Variants in ARHGAP28 observed in about 807,000 individuals in gnomAD.
The protein encoded by ARHGAP28 is rho GTPase-activating protein 28.
Under a neutral mutation model 90.7 loss-of-function variants are expected in ARHGAP28, and 56 were observed. That is an observed-to-expected ratio of 0.62 (90% CI 0.50 to 0.77). The LOEUF (loss-of-function observed/expected upper bound fraction) is 0.77. Ranked by LOEUF, ARHGAP28 falls within the 30% of genes least tolerant of loss-of-function variation. The pLI, the probability that ARHGAP28 is intolerant of heterozygous loss-of-function variation, is 0.00. For missense variants in ARHGAP28, 869 were observed against 900.9 expected (o/e 0.96, Z 0.45); for synonymous variants, 308 against 323.3 (o/e 0.95, Z 0.51).
chr18:6,896,134 G>T (rs1159266650), intron 15 of ARHGAP28, among the ~76,000 whole-genome samples: 1 of 152,208 alleles, frequency 6.6e-6, no homozygotes, highest in East Asian at 1.9e-4. Flanking sequence ...TTTTCAAAAG[G>T]TTGGTCTTCT....
intron 1 of ARHGAP28, among the ~76,000 whole-genome samples, chr18:6,822,630 C>T (rs934454761): frequency 1.3e-5 from 2 of 152,046 alleles, no homozygotes; most frequent in African/African-American, 4.8e-5. Flanking sequence ...ATTCTTATCA[C>T]ACAACACATA....
Position 6,859,808 on chromosome 18 carries a change from C to T in ARHGAP28, c.637C>T (p.Pro213Ser). ...ATGGTACTTTTATTTCTCCATTTAG[C>T]CAGATGATGCTTCTCTCAACAGTAC... ...PRVIKTSGSM[P>S]DDASLNSTTL... The change falls in exon 5 of 18, where the codon CCA (proline) becomes TCA (serine). Residue 213 changes from proline to serine, a missense_variant and splice_region_variant. Pro to Ser is a moderately conservative substitution (Grantham distance 74). Coordinates refer to ENST00000383472, the MANE Select transcript of ARHGAP28 (RefSeq NM_001366230.1). 2 of 1,612,764 alleles carry T rather than the reference C, an allele frequency of 1.2e-6. No homozygotes were observed. Among genetic ancestry groups the T allele is most frequent in the Non-Finnish European group, 1.7e-6 (2 of 1,179,476 alleles).
chr18:6,905,104 TAAAA>T (rs201355877), intron 16 of ARHGAP28, among the ~76,000 whole-genome samples: 1 of 149,476 alleles, frequency 6.7e-6, no homozygotes, highest in African/African-American at 2.5e-5. Flanking sequence ...AAAAAAGCCA[TAAAA>T]AAAAACAAAC....
At chr18:6,749,213 A>G (rs2056048995) in intron 1 of ARHGAP28, among the ~76,000 whole-genome samples, 1 of 152,228 alleles carries the variant, frequency 6.6e-6, no homozygotes, top group Non-Finnish European at 1.5e-5. Context: ...ATAGTATACT[A>G]AAAATAGAAA....
intron 1 of ARHGAP28, among the ~76,000 whole-genome samples, chr18:6,816,856 G>A (rs1484266829): frequency 6.6e-6 from 1 of 152,126 alleles, no homozygotes; most frequent in East Asian, 1.9e-4. Context: ...GGGAGGCCAA[G>A]GCAGGAGAGT....
intron 1 of ARHGAP28, among the ~76,000 whole-genome samples, chr18:6,820,239 T>G (rs1007539050): frequency 2.0e-5 from 3 of 152,170 alleles, no homozygotes; most frequent in Non-Finnish European, 2.9e-5. Flanking sequence ...TAAAAAGAAC[T>G]AATTGGATAT....
chr18:6,858,010 G>C (rs1457241540), intron 4 of ARHGAP28, among the ~76,000 whole-genome samples: 1 of 152,170 alleles, frequency 6.6e-6, no homozygotes, highest in Non-Finnish European at 1.5e-5. Flanking sequence ...TAATGAGGGA[G>C]ATAAAAGCTG....
intron 1 of ARHGAP28, among the ~76,000 whole-genome samples, chr18:6,766,397 A>G (rs1046509735): frequency 6.6e-6 from 1 of 152,156 alleles, no homozygotes. Context: ...TGTAATAGCC[A>G]TAGAGTTGTG....
At chr18:6,749,392 T>C (rs1284688570) in intron 1 of ARHGAP28, among the ~76,000 whole-genome samples, 1 of 152,220 alleles carries the variant, frequency 6.6e-6, no homozygotes, top group African/African-American at 2.4e-5. Context: ...CAGGGTTTTA[T>C]AGTCTGCTTT....
chr18:6,845,309 C>G (rs1267132155), intron 3 of ARHGAP28, among the ~76,000 whole-genome samples: 1 of 152,144 alleles, frequency 6.6e-6, no homozygotes. Context: ...AGACTCCTAG[C>G]CTCTTCCTTC....
At chr18:6,859,138 T>C (rs1173587123) in intron 4 of ARHGAP28, among the ~76,000 whole-genome samples, 2 of 152,148 alleles carry the variant, frequency 1.3e-5, no homozygotes, top group Non-Finnish European at 1.5e-5. Context: ...TTCTATTCAC[T>C]ACAAAAAACA....
chr18:6,840,152 T>G (rs2056794372), intron 3 of ARHGAP28, among the ~76,000 whole-genome samples: 2 of 152,194 alleles, frequency 1.3e-5, no homozygotes, highest in Non-Finnish European at 2.9e-5. Context: ...GCTATTACTG[T>G]AAATAAAAGG....
intron 4 of ARHGAP28, among the ~76,000 whole-genome samples, chr18:6,854,515 A>T (rs568359181): frequency 6.6e-5 from 10 of 152,124 alleles, no homozygotes; most frequent in Middle Eastern, 6.8e-3. Context: ...TTTTCTCCCC[A>T]TTCCCACCTT....
chr18:6,828,406 G>C (rs976093732), intron 2 of ARHGAP28, among the ~76,000 whole-genome samples: 4 of 151,560 alleles, frequency 2.6e-5, no homozygotes, highest in African/African-American at 7.3e-5. Context: ...AGAGAGGAGA[G>C]AGGAGAGAGC....
intron 10 of ARHGAP28, among the ~76,000 whole-genome samples, chr18:6,881,192 T>C (rs2057175176): frequency 6.6e-6 from 1 of 152,166 alleles, no homozygotes; most frequent in Non-Finnish European, 1.5e-5. Context: ...TAATCCTTAT[T>C]AGGAAAAGGT....
chr18:6,893,957 C>T (rs533595536), intron 14 of ARHGAP28, among the ~76,000 whole-genome samples: 1 of 148,014 alleles, frequency 6.8e-6, no homozygotes, highest in East Asian at 2.0e-4. Flanking sequence ...ACCTCCACAT[C>T]CTGGGTTCAA....
At chr18:6,750,026 T>C (rs1036434135) in intron 1 of ARHGAP28, among the ~76,000 whole-genome samples, 2 of 152,122 alleles carry the variant, frequency 1.3e-5, no homozygotes, top group African/African-American at 4.8e-5. Flanking sequence ...TTCTGTCTAT[T>C]GGACTTTTCC....
chr18:6,901,918 A>G (rs1037533071), intron 16 of ARHGAP28, among the ~76,000 whole-genome samples: 3 of 152,208 alleles, frequency 2.0e-5, no homozygotes, highest in Non-Finnish European at 4.4e-5. Context: ...TGCCTCCCGC[A>G]TAACTTTTGG....
intron 1 of ARHGAP28, among the ~76,000 whole-genome samples, chr18:6,754,194 C>T (rs1600153434): frequency 6.6e-6 from 1 of 152,128 alleles, no homozygotes; most frequent in African/African-American, 2.4e-5. Context: ...GTGATATTTA[C>T]TTCTTTCTAT....
Sources: gnomAD v4.1 joint callset for allele counts (sites outside exome capture counted in the v4.1 genomes callset) on GRCh38, gnomAD v4.1.1 for gene constraint, MANE v1.5 for transcripts, NCBI Gene and HGNC (gene_info 2026-07-23, HGNC 2026-07-21) for gene names.